The following DMD variants were observed in gnomAD, a reference collection of about 807,000 sequenced individuals.
DMD encodes the protein dystrophin.
In DMD, 63 loss-of-function variants were observed where a neutral mutation model predicts 330.1. The observed-to-expected ratio is 0.19, with a 90% CI of 0.16 to 0.24. DMD has a LOEUF of 0.24. Among genes scored for constraint, DMD ranks in the 10% least tolerant of loss-of-function variants. DMD has a pLI of 1.00. For missense variants in DMD, 3,344 were observed against 2,684.1 expected (o/e 1.25, Z -5.43); for synonymous variants, 1,223 against 959.8 (o/e 1.27, Z -5.07).
At chrX:32,944,308 TA>T (rs773601450) in intron 2 of DMD, among the ~76,000 whole-genome samples, 1 of 112,332 alleles carries the variant, frequency 8.9e-6, no homozygotes, top group East Asian at 2.8e-4. Flanking sequence ...TTTGGGTTTT[TA>T]AAATCATTTC....
At chrX:32,091,820 C>T (rs767425008) in intron 44 of DMD, among the ~76,000 whole-genome samples, 1 of 111,311 alleles carries the variant, frequency 9.0e-6, no homozygotes, top group South Asian at 3.8e-4. Flanking sequence ...TCAAGAATTT[C>T]TCATAGCTAG....
intron 53 of DMD, among the ~76,000 whole-genome samples, chrX:31,672,746 A>C (rs2148697920): frequency 8.9e-6 from 1 of 111,896 alleles, no homozygotes; most frequent in South Asian, 3.7e-4. Context: ...TACAATTTCT[A>C]TCTCTTTATT....
intron 1 of DMD, among the ~76,000 whole-genome samples, chrX:33,255,649 C>G (rs2052843939): frequency 9.0e-6 from 1 of 111,063 alleles, no homozygotes; most frequent in South Asian, 3.7e-4. Context: ...CTCTGTGTTT[C>G]CCCAGATTTC....
intron 74 of DMD, among the ~76,000 whole-genome samples, chrX:31,150,750 G>A (rs918691652): frequency 1.6e-4 from 18 of 111,832 alleles, no homozygotes; most frequent in Non-Finnish European, 2.1e-4. Context: ...ATTCCACAGG[G>A]GACGGCATGT....
chrX:31,539,176 G>T (rs1194911313), intron 55 of DMD, among the ~76,000 whole-genome samples: 1 of 111,827 alleles, frequency 8.9e-6, no homozygotes, highest in African/African-American at 3.3e-5. Flanking sequence ...CTCTGATACA[G>T]AGCTGACTGA....
chrX:33,135,885 T>C (rs1322038171), intron 1 of DMD, among the ~76,000 whole-genome samples: 1 of 112,746 alleles, frequency 8.9e-6, no homozygotes, highest in African/African-American at 3.2e-5. Flanking sequence ...GCTATCATTA[T>C]ATAGTTCTCA....
At chrX:31,240,205 A>G (rs981194001) in intron 63 of DMD, among the ~76,000 whole-genome samples, 11 of 111,532 alleles carry the variant, frequency 9.9e-5, no homozygotes, top group Non-Finnish European at 7.5e-5. Context: ...GCTACAGGAA[A>G]AAAAAAACTC....
intron 52 of DMD, among the ~76,000 whole-genome samples, chrX:31,694,617 C>CATATATATATATATAT (rs34933227): frequency 6.9e-4 from 40 of 58,166 alleles, no homozygotes; most frequent in South Asian, 1.9e-3. Flanking sequence ...TGACAAACAG[C>CATATATATATATATAT]ATATATATAT....
chrX:31,897,074 T>TC (rs956809125), intron 47 of DMD, among the ~76,000 whole-genome samples: 1 of 109,055 alleles, frequency 9.2e-6, no homozygotes, highest in African/African-American at 3.3e-5. Context: ...CCTCCCCCCT[T>TC]CCCCCACCCC....
intron 50 of DMD, among the ~76,000 whole-genome samples, chrX:31,809,471 T>C (rs1316649457): frequency 9.1e-6 from 1 of 110,129 alleles, no homozygotes; most frequent in Non-Finnish European, 1.9e-5. Context: ...TAGGTTTATA[T>C]TGCAATTTAA....
intron 7 of DMD, among the ~76,000 whole-genome samples, chrX:32,761,016 G>A (rs192466958): frequency 4.8e-5 from 5 of 105,088 alleles, no homozygotes; most frequent in Admixed American, 2.1e-4. Flanking sequence ...TGTACTCTCC[G>A]GGCATTATTT....
chrX:31,536,875 A>T (rs1380894811), intron 55 of DMD, among the ~76,000 whole-genome samples: 2 of 111,132 alleles, frequency 1.8e-5, no homozygotes, highest in Non-Finnish European at 3.8e-5. Context: ...TCTTCTTCTC[A>T]TTGCCATTTA....
intron 39 of DMD, among the ~76,000 whole-genome samples, chrX:32,344,857 C>A (rs750133834): frequency 9.0e-6 from 1 of 111,224 alleles, no homozygotes; most frequent in African/African-American, 3.3e-5. Context: ...CATAGCGTTC[C>A]GATTTTCTAG....
chrX:32,402,886 G>A (rs746368869), intron 30 of DMD, among the ~76,000 whole-genome samples: 5 of 111,401 alleles, frequency 4.5e-5, no homozygotes, highest in Non-Finnish European at 9.4e-5. Flanking sequence ...TTTCTTTGGT[G>A]CTATCTAATG....
intron 44 of DMD, among the ~76,000 whole-genome samples, chrX:32,215,210 A>G (rs903473937): frequency 1.1e-4 from 12 of 111,677 alleles, no homozygotes; most frequent in African/African-American, 3.6e-4. Flanking sequence ...CAAACAGACA[A>G]TGAACATAAC....
At chrX:31,931,993 G>A (rs778359367) in intron 46 of DMD, 87 bp downstream of exon 46, 1 of 1,052,026 alleles carries the variant, frequency 9.5e-7, no homozygotes, top group East Asian at 3.1e-5. Flanking sequence ...AACCTAATGG[G>A]CAGAAAACCA....
chrX:32,826,481 G>A (rs768211551), intron 4 of DMD, among the ~76,000 whole-genome samples: 2 of 111,411 alleles, frequency 1.8e-5, no homozygotes, highest in South Asian at 7.5e-4. Context: ...CAGGTATACA[G>A]ACCTACACAC....
chrX:33,049,573 T>C (rs1224123799), intron 1 of DMD, among the ~76,000 whole-genome samples: 1 of 110,799 alleles, frequency 9.0e-6, no homozygotes, highest in African/African-American at 3.3e-5. Context: ...AAGATGCCAT[T>C]GAATCTCTGC....
At chrX:32,017,815 A>C (rs2095776032) in intron 44 of DMD, among the ~76,000 whole-genome samples, 1 of 112,075 alleles carries the variant, frequency 8.9e-6, no homozygotes. Flanking sequence ...AACATCCTTC[A>C]AAATTATTGG....
Sources: allele counts gnomAD v4.1 joint callset (sites outside exome capture counted in the v4.1 genomes callset), GRCh38; gene constraint gnomAD v4.1.1; transcripts MANE v1.5; gene names NCBI Gene and HGNC (gene_info 2026-07-23, HGNC 2026-07-21).